The following ZCCHC10 variants were observed in gnomAD, a reference collection of about 807,000 sequenced individuals.
ZCCHC10 encodes the protein zinc finger CCHC domain-containing protein 10.
A neutral mutation model predicts 19.5 loss-of-function variants in ZCCHC10; 16 were observed. The ratio of observed to expected loss-of-function variants is 0.82; its 90% CI spans 0.56 to 1.25. ZCCHC10 has a LOEUF of 1.25. Among genes scored for constraint, ZCCHC10 ranks in the 50% most tolerant of loss-of-function variants. The pLI is 0.00. For synonymous variants in ZCCHC10, 67 were observed against 72.5 expected, an observed-to-expected ratio of 0.92 and a Z score of 0.38; for missense variants, 197 against 201.0, an observed-to-expected ratio of 0.98 and a Z score of 0.12.
At chr5:133,017,838 G>A (rs992578446) in intron 2 of ZCCHC10, among the ~76,000 whole-genome samples, 1 of 152,030 alleles carries the variant, frequency 6.6e-6, no homozygotes, top group African/African-American at 2.4e-5. Context: ...ACGATTGAAC[G>A]ATTCTATACA....
At chr5:133,013,236 C>A (rs147896353) in intron 2 of ZCCHC10, among the ~76,000 whole-genome samples, 1,746 of 128,328 alleles carry the variant, frequency 0.014, 50 homozygotes, top group African/African-American at 0.051. Flanking sequence ...CCAGCCTGGG[C>A]GACAGAGTGA....
rs759285719 is a variant in ZCCHC10 at position 133,000,162 on chromosome 5, G to C, written c.281C>G (p.Thr94Ser). The change falls in exon 4 of 5, where the codon ACC (threonine) becomes AGC (serine). Residue 94 changes from threonine to serine, a missense_variant. By Grantham distance (58) the Thr-to-Ser change is moderately conservative. Coordinates refer to ENST00000509437, the MANE Select transcript of ZCCHC10 (RefSeq NM_001300816.3). ...RLLLQQSIGETNVERKAKKKR... is the reference protein window; with the variant it reads ...RLLLQQSIGESNVERKAKKKR... ...TTTCTTGGCCTTTCTTTCTACATTG[G>C]TTTCTCCAATGCTGATAAACACGAG... 1 of 1,613,652 alleles carries C rather than the reference G, an allele frequency of 6.2e-7. No homozygotes were observed. The highest frequency in any genetic ancestry group is 1.3e-5 in the African/African-American group (1 of 74,946).
chr5:133,024,776 G>A (rs1339944827), intron 1 of ZCCHC10, among the ~76,000 whole-genome samples: 4 of 152,106 alleles, frequency 2.6e-5, no homozygotes, highest in Admixed American at 6.6e-5. Flanking sequence ...GGTGGCGGAC[G>A]CCTGTAGTCC....
intron 3 of ZCCHC10, among the ~76,000 whole-genome samples, chr5:133,004,886 C>T (rs902735455): frequency 5.3e-5 from 8 of 152,154 alleles, no homozygotes; most frequent in African/African-American, 1.9e-4. Flanking sequence ...TCACTCGATT[C>T]TCTGCATTCC....
intron 2 of ZCCHC10, among the ~76,000 whole-genome samples, chr5:133,014,154 C>CTTTTTT (rs767551153): frequency 3.5e-5 from 4 of 113,074 alleles, no homozygotes; most frequent in Non-Finnish European, 6.9e-5. Context: ...ACTATTTACT[C>CTTTTTT]TTTTTTTTTT....
chr5:133,014,079 T>C (rs1274769299), intron 2 of ZCCHC10, among the ~76,000 whole-genome samples: 1 of 152,084 alleles, frequency 6.6e-6, no homozygotes, highest in African/African-American at 2.4e-5. Flanking sequence ...CTGCATATTT[T>C]CTGTAAACTA....
Position 132,998,394 on chromosome 5 carries a change from C to T in ZCCHC10, c.*189G>A. ...GATAAAAAAAACAAGATTCACCCTT[C>T]AAATAAAAGTCTCTCTCTATAAGCC... On this transcript the variant is annotated 3_prime_UTR_variant, in exon 5 of 5. Coordinates refer to ENST00000509437, the MANE Select transcript of ZCCHC10 (RefSeq NM_001300816.3). The T allele has an allele frequency of 1.9e-6, 1 of 525,276 alleles. No individual in the cohort carries two copies. The highest frequency in any genetic ancestry group is 3.3e-6 in the Non-Finnish European group (1 of 301,908). The allele number at this position is 525,276 out of a possible 1,614,324, so 32.5% of individuals were successfully genotyped here.
At chr5:133,003,379 C>T in intron 3 of ZCCHC10, 1 of 307,328 alleles carries the variant, frequency 3.3e-6, no homozygotes, top group Middle Eastern at 1.1e-3. Context: ...AAATGTTTTA[C>T]TATAAAGCTC....
intron 2 of ZCCHC10, among the ~76,000 whole-genome samples, chr5:133,020,725 A>T (rs531960401): frequency 2.1e-4 from 31 of 146,426 alleles, no homozygotes; most frequent in African/African-American, 6.2e-4. Flanking sequence ...GAAACTAAAA[A>T]TTTTTTTTTT....
At chr5:133,026,370 G>T in intron 1 of ZCCHC10, 127 bp downstream of exon 1, 2 of 1,358,630 alleles carry the variant, frequency 1.5e-6, no homozygotes, top group Non-Finnish European at 2.0e-6. Flanking sequence ...GAGCCCCCCG[G>T]GAGCCAGAAG....
intron 2 of ZCCHC10, among the ~76,000 whole-genome samples, chr5:133,013,207 G>A (rs1382116350): frequency 5.7e-5 from 8 of 141,106 alleles, no homozygotes; most frequent in Non-Finnish European, 1.1e-4. Context: ...GCAGTGAGCC[G>A]AGATAGCACT....
At chr5:133,000,342 T>C in intron 3 of ZCCHC10, 169 bp from the exon 4 acceptor site, 1 of 707,518 alleles carries the variant, frequency 1.4e-6, no homozygotes, top group South Asian at 2.0e-5. Flanking sequence ...AAGTCTGCCA[T>C]TGTAGGCTGT....
chr5:133,004,204 C>T (rs1194345791), intron 3 of ZCCHC10, among the ~76,000 whole-genome samples: 8 of 142,032 alleles, frequency 5.6e-5, no homozygotes, highest in Non-Finnish European at 9.1e-5. Flanking sequence ...GATGGAGTTT[C>T]GCTCTCGTTG....
intron 1 of ZCCHC10, among the ~76,000 whole-genome samples, chr5:133,024,166 C>G (rs1764516151): frequency 6.6e-6 from 1 of 152,172 alleles, no homozygotes; most frequent in Non-Finnish European, 1.5e-5. Flanking sequence ...ACTTCTGAAA[C>G]AAGAAATAGC....
At chr5:133,019,267 G>A (rs1214639169) in intron 2 of ZCCHC10, 1 of 246,056 alleles carries the variant, frequency 4.1e-6, no homozygotes, top group Non-Finnish European at 8.2e-6. Context: ...TATTTTATAT[G>A]TATGTTTTAA....
At chr5:133,012,781 TG>T (rs1392747252) in intron 2 of ZCCHC10, among the ~76,000 whole-genome samples, 2 of 152,020 alleles carry the variant, frequency 1.3e-5, no homozygotes, top group African/African-American at 4.8e-5. Context: ...CCGGGTGTGG[TG>T]GCTCACGCCT....
At chr5:133,004,576 C>T (rs1762987840) in intron 3 of ZCCHC10, among the ~76,000 whole-genome samples, 1 of 152,126 alleles carries the variant, frequency 6.6e-6, no homozygotes. Flanking sequence ...GCAAGCTCCG[C>T]CTTCCGGGTT....
At chr5:133,023,096 T>C (rs1322738515) in intron 1 of ZCCHC10, among the ~76,000 whole-genome samples, 190 bp from the exon 2 acceptor site, 1 of 152,172 alleles carries the variant, frequency 6.6e-6, no homozygotes, top group African/African-American at 2.4e-5. Context: ...TTATAAATAT[T>C]ATTGTTTTTC....
At chr5:133,000,209 T>TA in intron 3 of ZCCHC10, 36 bp from the exon 4 acceptor site, 1 of 1,612,800 alleles carries the variant, frequency 6.2e-7, no homozygotes, top group Non-Finnish European at 8.5e-7. Flanking sequence ...CTCCTGTTAA[T>TA]AGAGTGATTA....
Sources: gnomAD v4.1 joint callset for allele counts (sites outside exome capture counted in the v4.1 genomes callset) on GRCh38, gnomAD v4.1.1 for gene constraint, MANE v1.5 for transcripts, NCBI Gene and HGNC (gene_info 2026-07-23, HGNC 2026-07-21) for gene names.